KIF26B: variants seen among roughly 807,000 people sequenced by gnomAD.
KIF26B encodes kinesin family member 26B, also known as kinesin-like protein KIF26B.
In KIF26B, 63 loss-of-function variants were observed where a neutral mutation model predicts 151.2. The ratio of observed to expected loss-of-function variants is 0.42; its 90% confidence interval spans 0.34 to 0.51. The LOEUF (loss-of-function observed/expected upper bound fraction) is 0.51. KIF26B is among the 20% of genes least tolerant of loss of function. The probability of loss-of-function intolerance (pLI) is 0.07; values close to 1 mark genes in which losing one functional copy is unlikely to be tolerated. For synonymous variants in KIF26B, 1,357 were observed against 1,262.1 expected, an observed-to-expected ratio of 1.08 and a Z score of -1.59; for missense variants, 2,813 against 2,913.6, an observed-to-expected ratio of 0.97 and a Z score of 0.79.
chr1:245,277,304 G>A (rs1057323545), intron 2 of KIF26B, among the ~76,000 whole-genome samples: 1 of 152,198 alleles, frequency 6.6e-6, no homozygotes, highest in African/African-American at 2.4e-5. Flanking sequence ...TCTAGGAGGA[G>A]GATTTTAGAC....
intron 5 of KIF26B, among the ~76,000 whole-genome samples, chr1:245,543,856 G>A (rs1180006319): frequency 6.6e-6 from 1 of 152,184 alleles, no homozygotes; most frequent in Non-Finnish European, 1.5e-5. Context: ...GCTGAGGCAG[G>A]AGAATCGCTT....
At chr1:245,649,625 G>A (rs1198546282) in intron 10 of KIF26B, among the ~76,000 whole-genome samples, 2 of 152,118 alleles carry the variant, frequency 1.3e-5, no homozygotes, top group Non-Finnish European at 2.9e-5. Context: ...CACTTACGGA[G>A]GGTGGCGGGG....
At chr1:245,232,551 G>GT (rs58620865) in intron 2 of KIF26B, among the ~76,000 whole-genome samples, 3,689 of 131,692 alleles carry the variant, frequency 0.028, 123 homozygotes, top group African/African-American at 0.08. Flanking sequence ...GGTTTCATTT[G>GT]TTTTTTTTTT....
At chr1:245,649,320 G>A (rs1021736951) in intron 10 of KIF26B, among the ~76,000 whole-genome samples, 1 of 152,118 alleles carries the variant, frequency 6.6e-6, no homozygotes, top group African/African-American at 2.4e-5. Flanking sequence ...AAACTGCCTC[G>A]CTCCTCACAG....
intron 4 of KIF26B, among the ~76,000 whole-genome samples, chr1:245,441,523 A>G (rs891469743): frequency 2.0e-5 from 3 of 151,698 alleles, no homozygotes; most frequent in Non-Finnish European, 4.4e-5. Flanking sequence ...TGTCCTCCCC[A>G]CTATTTCATC....
intron 2 of KIF26B, among the ~76,000 whole-genome samples, chr1:245,259,199 A>ATT (rs1450524611): frequency 6.6e-6 from 1 of 152,146 alleles, no homozygotes; most frequent in Non-Finnish European, 1.5e-5. Flanking sequence ...TCTTCTGTTC[A>ATT]TTTTTGTACA....
intron 9 of KIF26B, among the ~76,000 whole-genome samples, chr1:245,636,823 C>T (rs2043839041): frequency 6.6e-6 from 1 of 151,630 alleles, no homozygotes; most frequent in African/African-American, 2.4e-5. Flanking sequence ...CTTAAAATGA[C>T]AGGATTTCAT....
At chr1:245,229,868 C>T (rs1669955604) in intron 2 of KIF26B, among the ~76,000 whole-genome samples, 2 of 152,234 alleles carry the variant, frequency 1.3e-5, no homozygotes, top group East Asian at 3.8e-4. Context: ...GGTTCGGTGG[C>T]TCACGCCTGT....
At chr1:245,386,242 A>C (rs954542454) in intron 3 of KIF26B, among the ~76,000 whole-genome samples, 2 of 152,118 alleles carry the variant, frequency 1.3e-5, no homozygotes. Context: ...CTGTGTCTCA[A>C]AAAAAAGAAA....
intron 3 of KIF26B, among the ~76,000 whole-genome samples, chr1:245,400,488 GTTTTTT>G (rs11407193): frequency 4.0e-5 from 5 of 123,834 alleles, no homozygotes; most frequent in East Asian, 2.2e-4. Flanking sequence ...TAGATAGTGA[GTTTTTT>G]TTTTTTTTTT....
In KIF26B at chr1:245,698,873, T is replaced by C. The variant is rs2044731334; in HGVS notation, c.6028-14T>C. The stretch of plus-strand genomic sequence containing the variant: ...GAGCAGAAGGGCCCTTTCTCCTCTC[T>C]GTCTGTGTGCTAGGAGGCCATGTGC... On this transcript the variant is annotated splice_polypyrimidine_tract_variant and intron_variant, in intron 13 of 14. Coordinates refer to ENST00000407071, the MANE Select transcript of KIF26B (RefSeq NM_018012.4). This position sits in a 1 kb window ranked among gnomAD's most constrained non-coding sequence, Gnocchi z 4.0. 6.2e-7 allele frequency: 1 copy of C among 1,610,890 alleles called. No individual in the cohort carries two copies. Among genetic ancestry groups the C allele is most frequent in the African/African-American group, 1.3e-5 (1 of 74,684 alleles).
intron 2 of KIF26B, among the ~76,000 whole-genome samples, chr1:245,354,688 A>G (rs1672644891): frequency 6.6e-6 from 1 of 152,190 alleles, no homozygotes; most frequent in Non-Finnish European, 1.5e-5. Flanking sequence ...CCCCATTGCC[A>G]GCTACAACGG....
intron 5 of KIF26B, among the ~76,000 whole-genome samples, chr1:245,593,108 T>A (rs547201629): frequency 6.6e-6 from 1 of 152,334 alleles, no homozygotes; most frequent in South Asian, 2.1e-4. Context: ...CAATTTTAGA[T>A]CACTGATGGA....
chr1:245,468,029 T>C (rs1093923), intron 4 of KIF26B, among the ~76,000 whole-genome samples: 121,471 of 149,254 alleles, frequency 0.81, 49,680 homozygotes, highest in African/African-American at 0.88. Flanking sequence ...TGCTCTTTGA[T>C]CTATGGCCTC....
intron 5 of KIF26B, among the ~76,000 whole-genome samples, chr1:245,542,160 C>T (rs1661639861): frequency 6.6e-6 from 1 of 152,158 alleles, no homozygotes; most frequent in South Asian, 2.1e-4. Flanking sequence ...CAAGACCAGC[C>T]TGGGTAACAT....
At chr1:245,286,676 T>A (rs1278937267) in intron 2 of KIF26B, among the ~76,000 whole-genome samples, 1 of 152,188 alleles carries the variant, frequency 6.6e-6, no homozygotes, top group Non-Finnish European at 1.5e-5. Flanking sequence ...ATCTAGATCT[T>A]TTGTTATATT....
chr1:245,539,196 A>G (rs1661548296), intron 4 of KIF26B, among the ~76,000 whole-genome samples: 1 of 152,196 alleles, frequency 6.6e-6, no homozygotes, highest in Non-Finnish European at 1.5e-5. Flanking sequence ...AGATGAGAAC[A>G]ATTAAGCTTT....
At position 245,699,042 on chromosome 1, in the gene KIF26B, G is replaced by A; in HGVS notation, c.6178+5G>A. 1 of 1,612,822 alleles carries A rather than the reference G, an allele frequency of 6.2e-7. No individual in the cohort carries two copies. The highest frequency in any genetic ancestry group is 1.1e-5 in the South Asian group (1 of 90,910). ...CCAACAAGTGGCTCAGTGAATGTAA[G>A]GCCGGGGTGCCTTCCCACCCTTGTG... On this transcript the variant is annotated splice_donor_5th_base_variant and intron_variant, in intron 14 of 14. Coordinates refer to ENST00000407071, the MANE Select transcript of KIF26B (RefSeq NM_018012.4).
At chr1:245,532,218 TTTTTC>T (rs543766882) in intron 4 of KIF26B, among the ~76,000 whole-genome samples, 1,744 of 145,186 alleles carry the variant, frequency 0.012, 39 homozygotes, top group African/African-American at 0.043. Flanking sequence ...GGAAAATTCT[TTTTTC>T]TTTTCTTTTC....
Sources: gnomAD v4.1 joint callset for allele counts (sites outside exome capture counted in the v4.1 genomes callset) on GRCh38, gnomAD v4.1.1 for gene constraint, Gnocchi (gnomAD v3.1) non-coding constraint, MANE v1.5 for transcripts, NCBI Gene and HGNC (gene_info 2026-07-23, HGNC 2026-07-21) for gene names.